TAFA1: variants seen among roughly 807,000 people sequenced by gnomAD.
TAFA1 encodes TAFA chemokine like family member 1.
A neutral mutation model predicts 18.5 loss-of-function variants in TAFA1; 4 were observed. The observed-to-expected ratio is 0.22, with a 90% confidence interval of 0.11 to 0.49. TAFA1 has a LOEUF of 0.49. TAFA1 is among the 20% of genes least tolerant of loss of function. TAFA1 has a pLI of 0.98. For missense variants in TAFA1, 147 were observed against 169.0 expected (o/e 0.87, Z 0.72); for synonymous variants, 56 against 55.2 (o/e 1.01, Z -0.06).
intron 2 of TAFA1, among the ~76,000 whole-genome samples, chr3:68,151,339 A>T (rs1165972289): frequency 6.6e-6 from 1 of 152,206 alleles, no homozygotes; most frequent in African/African-American, 2.4e-5. Context: ...TTTAGGCAAG[A>T]TTATAAAGTA....
chr3:68,017,026 T>C (rs1704583589), intron 2 of TAFA1, among the ~76,000 whole-genome samples: 1 of 152,226 alleles, frequency 6.6e-6, no homozygotes, highest in Non-Finnish European at 1.5e-5. Context: ...TGAACACCAC[T>C]GTTCTATAGA....
chr3:68,322,204 A>G (rs2068706534), intron 2 of TAFA1, among the ~76,000 whole-genome samples: 1 of 152,264 alleles, frequency 6.6e-6, no homozygotes, highest in Non-Finnish European at 1.5e-5. Context: ...ATATCTTTAA[A>G]GAAAGCATAC....
intron 2 of TAFA1, among the ~76,000 whole-genome samples, chr3:68,308,204 T>C (rs1285134262): frequency 1.3e-5 from 2 of 152,168 alleles, no homozygotes; most frequent in African/African-American, 4.8e-5. Flanking sequence ...TGAAGGTAAT[T>C]GTCTTATATA....
In TAFA1 at chr3:68,097,030, T is replaced by C. The variant is rs529645144; in HGVS notation, c.118+90286T>C. ...CACTAGGTGTTCCTTTCTGTCTACA[T>C]TGTGCTTCTGTGAGCTGAGAGATTT... is the stretch of plus-strand genomic sequence containing the variant. On this transcript the variant is annotated intron_variant, in intron 2 of 4. Coordinates refer to ENST00000478136, the MANE Select transcript of TAFA1 (RefSeq NM_213609.4). Among the ~76,000 whole-genome samples the C allele has an allele frequency of 3.3e-5, 5 of 152,126 alleles. No homozygotes were observed. The East Asian group carries it at 5.8e-4, about 18-fold the overall frequency.
intron 2 of TAFA1, among the ~76,000 whole-genome samples, chr3:68,045,837 A>G (rs1006435596): frequency 2.0e-5 from 3 of 152,210 alleles, no homozygotes; most frequent in Non-Finnish European, 4.4e-5. Context: ...TTTGAAAATT[A>G]ACAAAGGGAA....
intron 2 of TAFA1, among the ~76,000 whole-genome samples, chr3:68,357,629 G>C (rs262244): frequency 0.49 from 73,899 of 151,316 alleles, 18,473 homozygotes; most frequent in East Asian, 0.73. Flanking sequence ...TAGCTGACAA[G>C]TGGTTAAAGT....
intron 2 of TAFA1, among the ~76,000 whole-genome samples, chr3:68,074,261 A>G (rs1320376875): frequency 6.6e-6 from 1 of 152,168 alleles, no homozygotes; most frequent in Admixed American, 6.5e-5. Context: ...CTGTAAATAC[A>G]GATGAAAATT....
At chr3:68,418,767 G>T (rs930018072) in intron 3 of TAFA1, among the ~76,000 whole-genome samples, 1 of 152,176 alleles carries the variant, frequency 6.6e-6, no homozygotes, top group Non-Finnish European at 1.5e-5. Context: ...TGAGTCCTCA[G>T]TATGGATCAA....
intron 2 of TAFA1, among the ~76,000 whole-genome samples, chr3:68,160,793 G>A (rs910798315): frequency 3.9e-5 from 6 of 152,110 alleles, no homozygotes; most frequent in Non-Finnish European, 8.8e-5. Flanking sequence ...ATCTGAACTC[G>A]ACCTCCAATG....
chr3:68,231,928 T>A (rs2107117500), intron 2 of TAFA1, among the ~76,000 whole-genome samples: 1 of 152,282 alleles, frequency 6.6e-6, no homozygotes, highest in South Asian at 2.1e-4. Flanking sequence ...TTTCCTTTTA[T>A]TTTTAGTTGT....
intron 2 of TAFA1, among the ~76,000 whole-genome samples, chr3:68,286,872 G>A (rs545702934): frequency 7.9e-5 from 12 of 152,306 alleles, no homozygotes; most frequent in Admixed American, 2.6e-4. Flanking sequence ...TATAACAAAA[G>A]GAGACCACCT....
intron 2 of TAFA1, among the ~76,000 whole-genome samples, chr3:68,209,800 T>C (rs1321187528): frequency 1.3e-5 from 2 of 152,012 alleles, no homozygotes; most frequent in Non-Finnish European, 2.9e-5. Context: ...GTAATACAAA[T>C]ACAGCTATAA....
chr3:68,478,937 A>C (rs1010266643), intron 3 of TAFA1, among the ~76,000 whole-genome samples: 1 of 144,092 alleles, frequency 6.9e-6, no homozygotes, highest in African/African-American at 2.5e-5. Context: ...TATATACATA[A>C]AAATATATAT....
At chr3:68,127,632 G>T (rs1305914672) in intron 2 of TAFA1, among the ~76,000 whole-genome samples, 1 of 151,402 alleles carries the variant, frequency 6.6e-6, no homozygotes, top group Non-Finnish European at 1.5e-5. Flanking sequence ...GATGGTCGTG[G>T]TGGTGATGCT....
At chr3:68,225,548 G>A (rs2066788324) in intron 2 of TAFA1, among the ~76,000 whole-genome samples, 1 of 152,180 alleles carries the variant, frequency 6.6e-6, no homozygotes, top group Non-Finnish European at 1.5e-5. Flanking sequence ...ACCACAAGGT[G>A]TGGATACTGA....
rs553789051 is a variant in TAFA1 at position 68,056,299 on chromosome 3, TC to T, written c.118+49556del. On this transcript the variant is annotated intron_variant, in intron 2 of 4. Transcript: ENST00000478136. ...GACCACTTTGAGTTCCAACCTGAGTTCTCAGGTTTTAGTACTGAAAGTCCCA... is the reference window on the plus strand; with the variant it reads ...GACCACTTTGAGTTCCAACCTGAGTTTCAGGTTTTAGTACTGAAAGTCCCA... Among the ~76,000 whole-genome samples, 12 of 152,270 alleles carry T rather than the reference TC, an allele frequency of 7.9e-5. No individual in the cohort carries two copies. The East Asian group carries it at 2.1e-3, about 27-fold the overall frequency.
At chr3:68,357,811 C>T (rs1010598825) in intron 2 of TAFA1, among the ~76,000 whole-genome samples, 7 of 151,898 alleles carry the variant, frequency 4.6e-5, no homozygotes, top group Non-Finnish European at 8.8e-5. Flanking sequence ...TTCCCAATTA[C>T]ACCTGTTCAA....
chr3:68,355,444 GAGTC>G (rs1333217248), intron 2 of TAFA1, among the ~76,000 whole-genome samples: 1 of 151,912 alleles, frequency 6.6e-6, no homozygotes, highest in Non-Finnish European at 1.5e-5. Context: ...AAATAGAACT[GAGTC>G]AGTAGGATTG....
chr3:68,134,561 C>T (rs1013074256), intron 2 of TAFA1, among the ~76,000 whole-genome samples: 1 of 152,158 alleles, frequency 6.6e-6, no homozygotes, highest in African/African-American at 2.4e-5. Flanking sequence ...CTGCTGGAAT[C>T]TGTCCAGGAT....
Sources: gnomAD v4.1 joint callset for allele counts (sites outside exome capture counted in the v4.1 genomes callset) on GRCh38, gnomAD v4.1.1 for gene constraint, MANE v1.5 for transcripts, NCBI Gene and HGNC (gene_info 2026-07-23, HGNC 2026-07-21) for gene names.